B4GALNT2: variants seen among roughly 807,000 people sequenced by gnomAD.
B4GALNT2 encodes the protein beta-1,4-N-acetyl-galactosaminyltransferase 2 (SID blood group), also known as N-acetylneuraminylgalactosylglucosyl-glucoside beta-1,4-N- acetylgalactosaminyltransferase 2.
Under a neutral mutation model 51.1 loss-of-function variants are expected in B4GALNT2, and 42 were observed. The ratio of observed to expected loss-of-function variants is 0.82; its 90% CI spans 0.64 to 1.06. The LOEUF (loss-of-function observed/expected upper bound fraction) is 1.06, where lower values mean the gene tolerates loss of function less well. Ranked by LOEUF, B4GALNT2 falls within the 50% of genes least tolerant of loss-of-function variation. The pLI, the probability that B4GALNT2 is intolerant of heterozygous loss-of-function variation, is 0.00. For missense variants in B4GALNT2, 602 were observed against 633.6 expected (o/e 0.95, Z 0.54); for synonymous variants, 253 against 251.7 (o/e 1.01, Z -0.05).
At chr17:49,162,930 A>AAAT in intron 7 of B4GALNT2, among the ~76,000 whole-genome samples, 1 of 150,822 alleles carries the variant, frequency 6.6e-6, no homozygotes, top group Admixed American at 6.6e-5. Context: ...AAAAAAAAAA[A>AAAT]AAAAAGGGCA....
intron 5 of B4GALNT2, among the ~76,000 whole-genome samples, chr17:49,156,878 C>A (rs2042815639): frequency 6.6e-6 from 1 of 152,240 alleles, no homozygotes; most frequent in South Asian, 2.1e-4. Flanking sequence ...CAGCCATGGG[C>A]TCTGGCACTG....
chr17:49,176,530 A>G lies in B4GALNT2; in HGVS notation c.*6802A>G, dbSNP rs1248026715. ...TTGTTTGTGGCTTAGGAACACCTTA[A>G]GAGGTTTTCCCCCCTGGGTGGGACA... On this transcript the variant is annotated 3_prime_UTR_variant, in exon 11 of 11. Coordinates refer to ENST00000393354, the MANE Select transcript of B4GALNT2 (RefSeq NM_001159387.2). The G allele has an allele frequency of 6.6e-6, 1 of 152,232 alleles. No homozygotes were observed. The highest frequency in any genetic ancestry group is 1.5e-5 in the Non-Finnish European group (1 of 68,044). The allele number at this position is 152,232 out of a possible 1,614,324, so 9.4% of individuals were successfully genotyped here.
intron 2 of B4GALNT2, among the ~76,000 whole-genome samples, 198 bp from the exon 3 acceptor site, chr17:49,141,837 C>G (rs2042646877): frequency 6.6e-6 from 1 of 152,094 alleles, no homozygotes; most frequent in Non-Finnish European, 1.5e-5. Context: ...CTTCCTCTGT[C>G]CCTGCTTCCC....
At chr17:49,149,816 A>C (rs1332116709) in intron 3 of B4GALNT2, among the ~76,000 whole-genome samples, 1 of 152,180 alleles carries the variant, frequency 6.6e-6, no homozygotes. Flanking sequence ...AGATATTGCC[A>C]AATTTCCCTC....
At chr17:49,156,450 G>A (rs1272363851) in intron 4 of B4GALNT2, 116 bp from the exon 5 acceptor site, 27 of 1,098,678 alleles carry the variant, frequency 2.5e-5, no homozygotes, top group Non-Finnish European at 3.5e-5. Flanking sequence ...TGGGCGGGAG[G>A]TGACACTTGA....
At chr17:49,163,408 A>G (rs1461283534) in intron 7 of B4GALNT2, among the ~76,000 whole-genome samples, 1 of 151,272 alleles carries the variant, frequency 6.6e-6, no homozygotes, top group Non-Finnish European at 1.5e-5. Context: ...GGGCTTCATG[A>G]CCCTCCATAT....
chr17:49,166,866 G>A (rs150931844), intron 9 of B4GALNT2, among the ~76,000 whole-genome samples: 198 of 152,250 alleles, frequency 1.3e-3, no homozygotes, highest in African/African-American at 4.6e-3. Flanking sequence ...CTACTCAGGA[G>A]GCTGAGGTGG....
chr17:49,152,741 G>A (rs2042771002), intron 3 of B4GALNT2, 59 bp from the exon 4 acceptor site: 1 of 1,276,788 alleles, frequency 7.8e-7, no homozygotes, highest in East Asian at 2.5e-5. Context: ...ACCACTTTGA[G>A]AACGAACCAG....
At chr17:49,150,409 C>T (rs1469044579) in intron 3 of B4GALNT2, among the ~76,000 whole-genome samples, 9 of 152,008 alleles carry the variant, frequency 5.9e-5, no homozygotes, top group Non-Finnish European at 1.3e-4. Flanking sequence ...GCCACCACCC[C>T]GTCTGGGAGG....
chr17:49,156,603 G>A lies in B4GALNT2; in HGVS notation c.498G>A (p.Glu166=). Residue 166 remains glutamate (E), a splice_region_variant and synonymous_variant, in exon 5 of 11, where the codon GAG becomes GAA. Transcript: ENST00000393354. ...AAGGACCCGATGCCCCCGTCTATGAGGTGAGTCCTTCTCCCAGCCCCTCTT... is the reference window on the plus strand; with the variant it reads ...AAGGACCCGATGCCCCCGTCTATGAAGTGAGTCCTTCTCCCAGCCCCTCTT... The part of the protein sequence containing the change: ...QFEGPDAPVY[E]VTLTASLGTL... The A allele has an allele frequency of 3.1e-6, 5 of 1,613,708 alleles. No homozygotes were observed. The highest frequency in any genetic ancestry group is 4.2e-6 in the Non-Finnish European group (5 of 1,179,866).
chr17:49,135,011 G>A (rs1228721546), intron 1 of B4GALNT2, among the ~76,000 whole-genome samples: 1 of 152,140 alleles, frequency 6.6e-6, no homozygotes, highest in African/African-American at 2.4e-5. Flanking sequence ...GTTCAGGACC[G>A]TGAGCCAAAT....
In B4GALNT2 at chr17:49,142,079, A is replaced by G. The variant is rs1598199709; in HGVS notation, c.260A>G (p.Gln87Arg). The G allele has an allele frequency of 6.2e-7, 1 of 1,614,212 alleles. No individual in the cohort carries two copies. Among genetic ancestry groups the G allele is most frequent in the Non-Finnish European group, 8.5e-7 (1 of 1,180,040 alleles). Reference sequence around the variant, plus strand: ...TGCAAATGTGAAGCCAACAAAGAGCAGGGAGGTTACAACTTTCAGGATGCC... The same window carrying G: ...TGCAAATGTGAAGCCAACAAAGAGCGGGGAGGTTACAACTTTCAGGATGCC... ...NQCKCEANKE[Q>R]GGYNFQDAYG... The change falls in exon 3 of 11, where the codon CAG (glutamine) becomes CGG (arginine). Residue 87 changes from glutamine (Q) to arginine (R), a missense_variant. Physicochemically the swap from Gln to Arg is conservative, Grantham distance 43. Coordinates refer to ENST00000393354, the MANE Select transcript of B4GALNT2 (RefSeq NM_001159387.2).
In B4GALNT2 at chr17:49,141,377, C is replaced by A; in HGVS notation, c.145C>A (p.Pro49Thr). The stretch of plus-strand genomic sequence containing the variant: ...CAAGCCAGAACTCCCAAGTCCTGCC[C>A]CGGGTGTCCAGAAGCTGAAGCTTCT... ...SPKPELPSPA[P>T]GVQKLKLLPE... The change falls in exon 2 of 11, where the codon CCG becomes ACG. Residue 49 changes from proline to threonine, a missense_variant. Coordinates refer to ENST00000393354, the MANE Select transcript of B4GALNT2 (RefSeq NM_001159387.2). 6.2e-7 allele frequency: 1 copy of A among 1,614,122 alleles called. No individual in the cohort carries two copies. The highest frequency in any genetic ancestry group is 2.2e-5 in the East Asian group (1 of 44,880).
chr17:49,123,415 TA>T, the B4GALNT2 span, among the ~76,000 whole-genome samples: 1 of 152,208 alleles, frequency 6.6e-6, no homozygotes, highest in Non-Finnish European at 1.5e-5. Context: ...TAGAAAATAA[TA>T]AAAATTGAAA....
At position 49,174,609 on chromosome 17, in the gene B4GALNT2, T is replaced by C. The variant is rs1040226826; in HGVS notation, c.*4881T>C. 1 of 152,210 alleles carries C rather than the reference T, an allele frequency of 6.6e-6. No individual in the cohort carries two copies. The highest frequency in any genetic ancestry group is 6.5e-5 in the Admixed American group (1 of 15,282). The allele number at this position is 152,210 out of a possible 1,614,324, so 9.4% of individuals were successfully genotyped here. On this transcript the variant is annotated 3_prime_UTR_variant, in exon 11 of 11. Coordinates refer to ENST00000393354, the MANE Select transcript of B4GALNT2 (RefSeq NM_001159387.2). ...CATGTACCTGATTTTTTCTTAATTA[T>C]AAAAACTGGAGAGTTCCAAGGGGAA...
At position 49,173,813 on chromosome 17, in the gene B4GALNT2, T is replaced by C. The variant is rs950373519; in HGVS notation, c.*4085T>C. The stretch of plus-strand genomic sequence containing the variant: ...ATAACACCAGTAGGTGAATGCCGAG[T>C]TGAAAAAATTAGCAAATCTAGAGTC... On this transcript the variant is annotated 3_prime_UTR_variant, in exon 11 of 11. Transcript: ENST00000393354. The C allele has an allele frequency of 6.6e-6, 1 of 152,160 alleles. No individual in the cohort carries two copies. The highest frequency in any genetic ancestry group is 1.5e-5 in the Non-Finnish European group (1 of 68,032). 9.4% of individuals were successfully genotyped at this position (152,160 alleles called of 1,614,324 possible). A position where few individuals can be genotyped will look rare whatever the true frequency, so the allele number is the denominator to read the frequency against.
At chr17:49,145,176 T>A (rs1454238099) in intron 3 of B4GALNT2, among the ~76,000 whole-genome samples, 1 of 152,168 alleles carries the variant, frequency 6.6e-6, no homozygotes, top group Non-Finnish European at 1.5e-5. Context: ...CCAGCACAAG[T>A]CCACCCCTTG....
chr17:49,141,889 ACTCCAGGGT>A, intron 2 of B4GALNT2, 137 bp from the exon 3 acceptor site: 1 of 982,918 alleles, frequency 1.0e-6, no homozygotes, highest in Non-Finnish European at 1.5e-6. Flanking sequence ...AGTGCAGGGG[ACTCCAGGGT>A]CTCATCATCT....
chr17:49,152,350 C>A (rs2042765842), intron 3 of B4GALNT2, among the ~76,000 whole-genome samples: 1 of 152,140 alleles, frequency 6.6e-6, no homozygotes, highest in South Asian at 2.1e-4. Flanking sequence ...TGTACTCCAG[C>A]CAGGGTGACA....
Sources: allele counts gnomAD v4.1 joint callset (sites outside exome capture counted in the v4.1 genomes callset), GRCh38; gene constraint gnomAD v4.1.1; transcripts MANE v1.5; gene names NCBI Gene and HGNC (gene_info 2026-07-23, HGNC 2026-07-21).